The following GRIP1 variants were observed in gnomAD, a reference collection of about 807,000 sequenced individuals.
GRIP1 encodes glutamate receptor-interacting protein 1.
A neutral mutation model predicts 129.9 loss-of-function variants in GRIP1; 45 were observed. The ratio of observed to expected loss-of-function variants is 0.35; its 90% CI spans 0.27 to 0.44. The LOEUF is 0.44. GRIP1 is among the 20% of genes least tolerant of loss of function. The pLI is 1.00. For missense variants in GRIP1, 1,196 were observed against 1,396.8 expected, an observed-to-expected ratio of 0.86 and a Z score of 2.29; for synonymous variants, 530 against 520.8, an observed-to-expected ratio of 1.02 and a Z score of -0.24.
intron 1 of GRIP1, among the ~76,000 whole-genome samples, chr12:66,705,811 T>A (rs1481782800): frequency 2.0e-5 from 3 of 152,022 alleles, no homozygotes; most frequent in African/African-American, 4.8e-5. Context: ...AGGGAAAGGA[T>A]CTCCTATTCA....
intron 1 of GRIP1, among the ~76,000 whole-genome samples, chr12:66,634,770 G>A (rs1195038322): frequency 6.6e-6 from 1 of 152,178 alleles, no homozygotes; most frequent in Non-Finnish European, 1.5e-5. Flanking sequence ...CCAATTTACA[G>A]AACTAGTGAT....
chr12:66,650,964 C>A (rs2032751851), intron 1 of GRIP1, among the ~76,000 whole-genome samples: 1 of 152,176 alleles, frequency 6.6e-6, no homozygotes, highest in Admixed American at 6.5e-5. Context: ...AAATATCCAA[C>A]TCATAGCACT....
chr12:66,820,667 T>C (rs190934402), intron 1 of GRIP1, among the ~76,000 whole-genome samples: 44 of 152,202 alleles, frequency 2.9e-4, no homozygotes, highest in African/African-American at 9.4e-4. Flanking sequence ...GGAATATTAT[T>C]TAGCACCAAA....
At chr12:66,662,132 C>T (rs191344605) in intron 1 of GRIP1, among the ~76,000 whole-genome samples, 55 of 152,220 alleles carry the variant, frequency 3.6e-4, no homozygotes, top group African/African-American at 1.0e-3. Flanking sequence ...CAGGGTTCTG[C>T]GGTTCAGATG....
intron 2 of GRIP1, among the ~76,000 whole-genome samples, chr12:66,578,714 C>A (rs976466341): frequency 4.6e-5 from 7 of 152,196 alleles, no homozygotes; most frequent in African/African-American, 1.7e-4. Context: ...GAGGGGCGCC[C>A]ACGATTGCCC....
intron 1 of GRIP1, among the ~76,000 whole-genome samples, chr12:66,749,221 T>C (rs1161404739): frequency 6.6e-6 from 1 of 152,202 alleles, no homozygotes; most frequent in Non-Finnish European, 1.5e-5. Context: ...TAATCCAATC[T>C]CATTTTCATA....
intron 7 of GRIP1, among the ~76,000 whole-genome samples, chr12:66,470,911 A>G (rs2059421653): frequency 6.6e-6 from 1 of 152,176 alleles, no homozygotes; most frequent in Admixed American, 6.5e-5. Context: ...GCCTAAAGTG[A>G]TGAGGGCTCC....
chr12:66,715,294 T>A (rs2035841810), intron 1 of GRIP1, among the ~76,000 whole-genome samples: 1 of 152,016 alleles, frequency 6.6e-6, no homozygotes, highest in South Asian at 2.1e-4. Flanking sequence ...TTCTGGAGCC[T>A]GTCTCATGGT....
chr12:66,984,211 CA>C (rs1337171741), intron 1 of GRIP1, among the ~76,000 whole-genome samples: 1 of 152,144 alleles, frequency 6.6e-6, no homozygotes, highest in Non-Finnish European at 1.5e-5. Flanking sequence ...CCAGCAACTG[CA>C]AAAGCACAGA....
chr12:66,758,106 G>C (rs1391617494), intron 1 of GRIP1, among the ~76,000 whole-genome samples: 1 of 152,104 alleles, frequency 6.6e-6, no homozygotes, highest in Admixed American at 6.5e-5. Context: ...AATATTTTTA[G>C]AAAGCAAGAT....
intron 1 of GRIP1, among the ~76,000 whole-genome samples, chr12:66,810,536 A>G (rs1473686888): frequency 2.0e-5 from 3 of 152,138 alleles, no homozygotes; most frequent in Non-Finnish European, 2.9e-5. Context: ...CAGCCTGGGC[A>G]ATGAGAGTGA....
At chr12:66,608,775 C>T (rs918351648) in intron 1 of GRIP1, among the ~76,000 whole-genome samples, 1 of 151,930 alleles carries the variant, frequency 6.6e-6, no homozygotes, top group Non-Finnish European at 1.5e-5. Flanking sequence ...TAGTAACGAC[C>T]ACATAGGATT....
In GRIP1 at chr12:66,396,596, G is replaced by C. The variant is rs908993783; in HGVS notation, c.1985-2244C>G. ...TGGAGACATTTTTTTATTGGCATCT[G>C]AGTCCTCACTGACTAGAAGGCAATT... On this transcript the variant is annotated intron_variant, in intron 16 of 24. Transcript: ENST00000359742. 2.6e-5 allele frequency among the ~76,000 whole-genome samples: 4 copies of C among 152,284 alleles called. No individual in the cohort carries two copies. The East Asian group carries it at 7.7e-4, about 29-fold the overall frequency.
intron 7 of GRIP1, among the ~76,000 whole-genome samples, chr12:66,490,503 T>C (rs1257856895): frequency 2.6e-5 from 4 of 152,196 alleles, no homozygotes. Flanking sequence ...GACTTAAATG[T>C]TAAACCCAAA....
At position 66,717,797 on chromosome 12, in the gene GRIP1, TA is replaced by T. The variant is rs531983876; in HGVS notation, c.-420+86255del. On this transcript the variant is annotated intron_variant, in intron 1 of 4. Coordinates refer to the GRIP1 transcript ENST00000538373. ...TAAACAAAATTAAATTAGTGATGTT[TA>T]AAAAAATTGATTTAAATCTTACTGG... is the stretch of plus-strand genomic sequence containing the variant. Among the ~76,000 whole-genome samples the T allele has an allele frequency of 6.6e-5, 10 of 152,234 alleles. No individual in the cohort carries two copies. In the East Asian group the frequency reaches 7.7e-4, roughly 12 times the overall value.
At chr12:66,797,788 T>C (rs1401374342) in intron 1 of GRIP1, among the ~76,000 whole-genome samples, 1 of 152,146 alleles carries the variant, frequency 6.6e-6, no homozygotes, top group Non-Finnish European at 1.5e-5. Context: ...TCTTGATCCT[T>C]CATGTCTGTC....
At chr12:66,648,978 C>T (rs534060282) in intron 1 of GRIP1, among the ~76,000 whole-genome samples, 2 of 152,176 alleles carry the variant, frequency 1.3e-5, no homozygotes, top group South Asian at 2.1e-4. Context: ...TTATCATGTA[C>T]GTGGGAAAGT....
intron 2 of GRIP1, among the ~76,000 whole-genome samples, chr12:66,553,612 C>T (rs893914592): frequency 4.6e-5 from 7 of 151,468 alleles, no homozygotes; most frequent in Admixed American, 2.6e-4. Context: ...ATCAGGTGAG[C>T]GATCACAGTA....
At chr12:66,621,849 G>T (rs954951004) in intron 1 of GRIP1, among the ~76,000 whole-genome samples, 1 of 152,064 alleles carries the variant, frequency 6.6e-6, no homozygotes, top group Non-Finnish European at 1.5e-5. Flanking sequence ...GTCTAGTATT[G>T]CTGAGTATCT....
Sources: allele counts gnomAD v4.1 joint callset (sites outside exome capture counted in the v4.1 genomes callset), GRCh38; gene constraint gnomAD v4.1.1; transcripts MANE v1.5; gene names NCBI Gene and HGNC (gene_info 2026-07-23, HGNC 2026-07-21).